ZNF385D: variants seen among roughly 807,000 people sequenced by gnomAD.
ZNF385D encodes zinc finger protein 659.
In ZNF385D, 15 loss-of-function variants were observed where a neutral mutation model predicts 35.8. That is an observed-to-expected ratio of 0.42 (90% CI 0.28 to 0.64). ZNF385D has a LOEUF of 0.64. Ranked by LOEUF, ZNF385D falls within the 30% of genes least tolerant of loss-of-function variation. The probability of loss-of-function intolerance (pLI) is 0.23; values close to 1 mark genes in which losing one functional copy is unlikely to be tolerated. For missense variants in ZNF385D, 474 were observed against 494.6 expected (o/e 0.96, Z 0.39); for synonymous variants, 212 against 186.8 (o/e 1.13, Z -1.10).
At chr3:21,949,549 TC>T (rs761015883) in intron 3 of ZNF385D, among the ~76,000 whole-genome samples, 29,110 of 99,758 alleles carry the variant, frequency 0.29, 3,011 homozygotes, top group Admixed American at 0.43. Context: ...TTCTTTTCTT[TC>T]TTTCTTTTTT....
At chr3:22,131,029 T>C (rs1703753359) in intron 3 of ZNF385D, among the ~76,000 whole-genome samples, 1 of 152,104 alleles carries the variant, frequency 6.6e-6, no homozygotes, top group African/African-American at 2.4e-5. Context: ...TAGAGAACAG[T>C]TAAATTTATG....
chr3:21,680,240 C>G (rs1461574407), intron 1 of ZNF385D, among the ~76,000 whole-genome samples: 1 of 152,062 alleles, frequency 6.6e-6, no homozygotes, highest in African/African-American at 2.4e-5. Flanking sequence ...ATTGGTTACT[C>G]ACTCTCTTGA....
chr3:21,798,324 G>A (rs546062155), intron 3 of ZNF385D, among the ~76,000 whole-genome samples: 179 of 152,302 alleles, frequency 1.2e-3, no homozygotes, highest in African/African-American at 4.1e-3. Flanking sequence ...TGGAGGCTCA[G>A]GACCCTTTTC....
chr3:22,309,786 A>G (rs1703436873), intron 2 of ZNF385D, among the ~76,000 whole-genome samples: 2 of 151,988 alleles, frequency 1.3e-5, no homozygotes, highest in Admixed American at 1.3e-4. Context: ...CCAATCTACT[A>G]TAGTATAGCC....
intron 2 of ZNF385D, among the ~76,000 whole-genome samples, chr3:21,631,621 G>A (rs1164508260): frequency 1.3e-5 from 2 of 152,056 alleles, no homozygotes; most frequent in Admixed American, 1.3e-4. Context: ...AAATACCCAC[G>A]GTGACTTGGG....
Position 21,586,185 on chromosome 3 carries a change from G to A in ZNF385D, c.166-21501C>T, listed in dbSNP as rs551595814. 4.3e-4 allele frequency among the ~76,000 whole-genome samples: 65 copies of A among 152,152 alleles called. 2 individuals are homozygous for A. The South Asian group carries it at 0.013, about 31-fold the overall frequency. On this transcript the variant is annotated intron_variant, in intron 2 of 7. Coordinates refer to ENST00000281523, the MANE Select transcript of ZNF385D (RefSeq NM_024697.3). ...TGTGCCACTGCATTCCAGCCTGGGT[G>A]ACAGAGGGAGACTCTGTCCCTAAGG... is the stretch of plus-strand genomic sequence containing the variant.
At chr3:22,338,401 C>A (rs2125473571) in intron 2 of ZNF385D, among the ~76,000 whole-genome samples, 1 of 152,096 alleles carries the variant, frequency 6.6e-6, no homozygotes, top group East Asian at 1.9e-4. Context: ...CATAGAATTC[C>A]ATAACAGTTT....
intron 3 of ZNF385D, among the ~76,000 whole-genome samples, chr3:21,918,353 T>C (rs1399428589): frequency 6.6e-6 from 1 of 152,204 alleles, no homozygotes; most frequent in Non-Finnish European, 1.5e-5. Flanking sequence ...AATACTCCAC[T>C]TTAAAGTGGA....
intron 3 of ZNF385D, among the ~76,000 whole-genome samples, chr3:21,917,686 G>A (rs565706340): frequency 1.3e-5 from 2 of 152,200 alleles, no homozygotes; most frequent in African/African-American, 4.8e-5. Context: ...ATTTGTCATG[G>A]ATTCTTTTTA....
intron 2 of ZNF385D, among the ~76,000 whole-genome samples, chr3:21,595,972 A>C (rs2064117884): frequency 6.6e-6 from 1 of 152,224 alleles, no homozygotes; most frequent in Admixed American, 6.5e-5. Flanking sequence ...TGCTTACTTA[A>C]GTCTCTTTAA....
chr3:22,230,623 AACCCT>A (rs1248482827), intron 2 of ZNF385D, among the ~76,000 whole-genome samples: 1 of 152,160 alleles, frequency 6.6e-6, no homozygotes, highest in African/African-American at 2.4e-5. Context: ...CCCTAAATTC[AACCCT>A]ACATTAATTG....
At chr3:22,223,918 A>T (rs1576522350) in intron 2 of ZNF385D, among the ~76,000 whole-genome samples, 1 of 152,178 alleles carries the variant, frequency 6.6e-6, no homozygotes, top group South Asian at 2.1e-4. Flanking sequence ...TGAAGCATGT[A>T]AAGTCAGGGA....
intron 3 of ZNF385D, among the ~76,000 whole-genome samples, chr3:21,788,464 GCGAGACTCTGAATTAC>G (rs1165852044): frequency 6.6e-6 from 1 of 152,198 alleles, no homozygotes; most frequent in African/African-American, 2.4e-5. Context: ...GGGGGATAGA[GCGAGACTCTGAATTAC>G]CTAGAGACAA....
At chr3:21,854,869 G>A (rs1026866986) in intron 3 of ZNF385D, among the ~76,000 whole-genome samples, 1 of 151,976 alleles carries the variant, frequency 6.6e-6, no homozygotes, top group African/African-American at 2.4e-5. Context: ...GATATGGCCA[G>A]CTAAGGAATG....
intron 3 of ZNF385D, among the ~76,000 whole-genome samples, chr3:22,040,278 T>A (rs7616274): frequency 0.37 from 55,812 of 152,040 alleles, 10,840 homozygotes; most frequent in South Asian, 0.5. Flanking sequence ...TAATTCTAAT[T>A]GACACAAGAC....
At chr3:22,154,978 A>G (rs1157419192) in intron 3 of ZNF385D, among the ~76,000 whole-genome samples, 1 of 152,180 alleles carries the variant, frequency 6.6e-6, no homozygotes, top group Non-Finnish European at 1.5e-5. Flanking sequence ...GTTGACTACT[A>G]TATTAAGTGA....
intron 3 of ZNF385D, among the ~76,000 whole-genome samples, chr3:22,159,848 A>T (rs1425957940): frequency 6.6e-6 from 1 of 152,020 alleles, no homozygotes; most frequent in Non-Finnish European, 1.5e-5. Flanking sequence ...TGAACTTCTG[A>T]AGGATATGGT....
intron 2 of ZNF385D, among the ~76,000 whole-genome samples, chr3:22,306,080 A>G (rs967096999): frequency 1.7e-4 from 26 of 152,180 alleles, no homozygotes; most frequent in African/African-American, 5.8e-4. Context: ...TGGAAGGGCA[A>G]GAAAACTACA....
chr3:21,619,490 C>T (rs1006477937), intron 2 of ZNF385D, among the ~76,000 whole-genome samples: 1 of 151,828 alleles, frequency 6.6e-6, no homozygotes, highest in Admixed American at 6.6e-5. Flanking sequence ...CTAGGTATGT[C>T]TGTAGTCTTT....
Sources: allele counts gnomAD v4.1 joint callset (sites outside exome capture counted in the v4.1 genomes callset), GRCh38; gene constraint gnomAD v4.1.1; transcripts MANE v1.5; gene names NCBI Gene and HGNC (gene_info 2026-07-23, HGNC 2026-07-21).